LINGO2: variants seen among roughly 807,000 people sequenced by gnomAD.
LINGO2 encodes leucine rich repeat and Ig domain containing 2.
In LINGO2, 14 loss-of-function variants were observed where a neutral mutation model predicts 30.6. The ratio of observed to expected loss-of-function variants is 0.46; its 90% confidence interval spans 0.30 to 0.72. The LOEUF (loss-of-function observed/expected upper bound fraction) is 0.72. Among genes scored for constraint, LINGO2 ranks in the 30% least tolerant of loss-of-function variants. The pLI is 0.07. For missense variants in LINGO2, 729 were observed against 751.7 expected, an observed-to-expected ratio of 0.97 and a Z score of 0.35; for synonymous variants, 317 against 288.5, an observed-to-expected ratio of 1.10 and a Z score of -1.00.
At chr9:28,734,771 T>A in the LINGO2 span, among the ~76,000 whole-genome samples, 1 of 152,124 alleles carries the variant, frequency 6.6e-6, no homozygotes, top group Non-Finnish European at 1.5e-5. Context: ...CCCAGAAATA[T>A]TCCCTCTGTC....
At chr9:28,986,712 G>A in the LINGO2 span, among the ~76,000 whole-genome samples, 4 of 151,904 alleles carry the variant, frequency 2.6e-5, no homozygotes, top group African/African-American at 9.7e-5. Context: ...CACCTAAACT[G>A]CCAAACATCA....
At chr9:28,697,792 C>T in the LINGO2 span, among the ~76,000 whole-genome samples, 3 of 151,956 alleles carry the variant, frequency 2.0e-5, no homozygotes, top group African/African-American at 7.2e-5. Context: ...GCTCAAAAAA[C>T]CCCAGGGCGC....
At chr9:28,333,023 T>C (rs999677318) in intron 3 of LINGO2, among the ~76,000 whole-genome samples, 43 of 152,194 alleles carry the variant, frequency 2.8e-4, no homozygotes, top group Non-Finnish European at 2.9e-5. Flanking sequence ...TTCAGAGATA[T>C]TTATCTTTAA....
Position 28,550,060 on chromosome 9 carries a change from C to T in LINGO2, c.-364-74035G>A, listed in dbSNP as rs143688682. 8.2e-4 allele frequency among the ~76,000 whole-genome samples: 125 copies of T among 151,878 alleles called. No homozygotes were observed. In the East Asian group the frequency reaches 0.014, roughly 17 times the overall value. ...TTGCTGTTAAAAGTATCTATCTTTG[C>T]ATTTTATATTTTAAATTCAATGTGT... On this transcript the variant is annotated intron_variant, in intron 1 of 5. Transcript: ENST00000379992.
intron 4 of LINGO2, among the ~76,000 whole-genome samples, chr9:28,021,723 TA>T (rs1179441187): frequency 6.6e-6 from 1 of 152,150 alleles, no homozygotes; most frequent in Non-Finnish European, 1.5e-5. Context: ...AGAACTGACC[TA>T]TTTATATAAT....
intron 3 of LINGO2, among the ~76,000 whole-genome samples, chr9:28,309,705 A>T (rs1008367556): frequency 5.3e-5 from 8 of 152,082 alleles, no homozygotes; most frequent in Admixed American, 6.6e-5. Flanking sequence ...TGCATTGTGA[A>T]AACCAATTTT....
intron 3 of LINGO2, among the ~76,000 whole-genome samples, chr9:28,311,052 C>T (rs1645252758): frequency 6.6e-6 from 1 of 152,002 alleles, no homozygotes; most frequent in Non-Finnish European, 1.5e-5. Flanking sequence ...TAAGTGTCAG[C>T]CGGTCTGAGA....
intron 1 of LINGO2, among the ~76,000 whole-genome samples, chr9:28,551,973 T>C (rs1392432143): frequency 6.6e-6 from 1 of 152,100 alleles, no homozygotes; most frequent in Non-Finnish European, 1.5e-5. Flanking sequence ...AAAATATTAA[T>C]CCTTTTTATT....
intron 4 of LINGO2, among the ~76,000 whole-genome samples, chr9:28,035,078 C>CCTGTTTGG (rs1823867039): frequency 6.6e-6 from 1 of 152,204 alleles, no homozygotes; most frequent in Non-Finnish European, 1.5e-5. Flanking sequence ...TATTCAAATA[C>CCTGTTTGG]TTTCTAAAAA....
chr9:28,110,760 A>G (rs1826756084), intron 4 of LINGO2, among the ~76,000 whole-genome samples: 1 of 152,190 alleles, frequency 6.6e-6, no homozygotes, highest in Non-Finnish European at 1.5e-5. Context: ...GGCTGTGGAG[A>G]AATAAGAATG....
intron 1 of LINGO2, among the ~76,000 whole-genome samples, chr9:28,666,775 G>C (rs989050200): frequency 3.3e-5 from 5 of 152,082 alleles, no homozygotes; most frequent in African/African-American, 1.2e-4. Flanking sequence ...ATCTGGATCT[G>C]GGATTGTAAC....
At chr9:28,377,840 T>A (rs768226328) in intron 2 of LINGO2, among the ~76,000 whole-genome samples, 44 of 152,120 alleles carry the variant, frequency 2.9e-4, no homozygotes, top group Admixed American at 1.4e-3. Context: ...TTATCAGGCA[T>A]GAAATGTAGT....
At chr9:28,344,869 C>T (rs1259174066) in intron 3 of LINGO2, among the ~76,000 whole-genome samples, 1 of 152,034 alleles carries the variant, frequency 6.6e-6, no homozygotes, top group Non-Finnish European at 1.5e-5. Context: ...CTCCCTAGTT[C>T]CCCAACTGCA....
the LINGO2 span, among the ~76,000 whole-genome samples, chr9:28,824,731 G>C: frequency 6.6e-6 from 1 of 152,100 alleles, no homozygotes; most frequent in African/African-American, 2.4e-5. Flanking sequence ...TTCAATATTA[G>C]ATATGTGGCT....
chr9:28,137,198 G>GACAC (rs3064725), intron 4 of LINGO2, among the ~76,000 whole-genome samples: 10,650 of 148,090 alleles, frequency 0.072, 685 homozygotes, highest in African/African-American at 0.18. Context: ...GAAAATCCCT[G>GACAC]ACACACACAC....
chr9:28,167,452 A>T (rs560300075), intron 4 of LINGO2, among the ~76,000 whole-genome samples: 1 of 152,248 alleles, frequency 6.6e-6, no homozygotes, highest in South Asian at 2.1e-4. Flanking sequence ...ACGATCACAG[A>T]TCACTGCAAC....
At chr9:28,549,626 T>C (rs1005284314) in intron 1 of LINGO2, among the ~76,000 whole-genome samples, 4 of 151,988 alleles carry the variant, frequency 2.6e-5, no homozygotes, top group Non-Finnish European at 4.4e-5. Context: ...ATGGGTATTA[T>C]CATGTGTAAT....
intron 2 of LINGO2, among the ~76,000 whole-genome samples, chr9:28,429,917 T>C (rs1023617994): frequency 6.6e-6 from 1 of 152,056 alleles, no homozygotes; most frequent in South Asian, 2.1e-4. Flanking sequence ...TTCACAAATA[T>C]GTAATATTGG....
chr9:28,484,820 C>T (rs1826107238), intron 1 of LINGO2, among the ~76,000 whole-genome samples: 1 of 152,046 alleles, frequency 6.6e-6, no homozygotes, highest in Non-Finnish European at 1.5e-5. Flanking sequence ...GCTGGTGTTA[C>T]AAAGTAGTGT....
Sources: allele counts gnomAD v4.1 joint callset (sites outside exome capture counted in the v4.1 genomes callset), GRCh38; gene constraint gnomAD v4.1.1; transcripts MANE v1.5; gene names NCBI Gene and HGNC (gene_info 2026-07-23, HGNC 2026-07-21).